Variants in ANKIB1 observed in about 807,000 individuals in gnomAD.
ANKIB1 encodes ankyrin repeat and IBR domain containing 1.
A neutral mutation model predicts 122.1 loss-of-function variants in ANKIB1; 43 were observed. The ratio of observed to expected loss-of-function variants is 0.35; its 90% CI spans 0.28 to 0.45. ANKIB1 has a LOEUF of 0.45. Among genes scored for constraint, ANKIB1 ranks in the 20% least tolerant of loss-of-function variants. The pLI is 1.00. For missense variants in ANKIB1, 992 were observed against 1,329.5 expected (o/e 0.75, Z 3.95); for synonymous variants, 390 against 442.0 (o/e 0.88, Z 1.48).
At chr7:92,347,979 T>C (rs778063595) in intron 7 of ANKIB1, 19 of 447,994 alleles carry the variant, frequency 4.2e-5, no homozygotes, top group Non-Finnish European at 7.6e-5. Flanking sequence ...CTACCTATGA[T>C]ATCATCTGTG....
At chr7:92,391,371 C>A (rs996685512) in intron 16 of ANKIB1, 27 bp downstream of exon 16, 1 of 1,475,194 alleles carries the variant, frequency 6.8e-7, no homozygotes, top group Non-Finnish European at 9.1e-7. Flanking sequence ...CTGTGGAAAT[C>A]ATCCTAGCTC....
chr7:92,299,082 A>T (rs1802411155), intron 2 of ANKIB1, among the ~76,000 whole-genome samples: 1 of 152,288 alleles, frequency 6.6e-6, no homozygotes, highest in East Asian at 1.9e-4. Flanking sequence ...CTTGAAAATG[A>T]ATTGAGTCTG....
At chr7:92,265,590 G>A (rs1801655689) in intron 1 of ANKIB1, among the ~76,000 whole-genome samples, 1 of 152,200 alleles carries the variant, frequency 6.6e-6, no homozygotes, top group African/African-American at 2.4e-5. Flanking sequence ...AGATTGTAGT[G>A]ATGAGAGGGC....
intron 5 of ANKIB1, among the ~76,000 whole-genome samples, chr7:92,332,025 A>G (rs964042506): frequency 6.6e-6 from 1 of 152,200 alleles, no homozygotes; most frequent in Non-Finnish European, 1.5e-5. Context: ...TACTCCATTG[A>G]TATTTCCCTA....
intron 8 of ANKIB1, among the ~76,000 whole-genome samples, chr7:92,351,494 A>G (rs948066913): frequency 1.4e-4 from 22 of 152,130 alleles, no homozygotes; most frequent in Non-Finnish European, 5.9e-5. Context: ...AAGATTTCCA[A>G]CTTGGAAGTT....
At chr7:92,265,896 C>T (rs1224788507) in intron 1 of ANKIB1, among the ~76,000 whole-genome samples, 1 of 152,104 alleles carries the variant, frequency 6.6e-6, no homozygotes. Flanking sequence ...TTACAGGAGT[C>T]CGGATTTCAG....
At chr7:92,268,419 TA>T (rs1801717699) in intron 1 of ANKIB1, among the ~76,000 whole-genome samples, 1 of 152,208 alleles carries the variant, frequency 6.6e-6, no homozygotes, top group Non-Finnish European at 1.5e-5. Flanking sequence ...ATCAGTGAAT[TA>T]AAAACTGAAG....
chr7:92,302,558 G>T (rs908418740), intron 2 of ANKIB1, among the ~76,000 whole-genome samples: 2 of 152,160 alleles, frequency 1.3e-5, no homozygotes, highest in Non-Finnish European at 2.9e-5. Flanking sequence ...TAAAAAAGCC[G>T]TGGACTTGGA....
chr7:92,398,215 C>T lies in ANKIB1; in HGVS notation c.2536C>T (p.Leu846=), dbSNP rs1039140744. ...RSENQDSLQA[L]SSLDEDDPNI... is the part of the protein sequence containing the mutation. ...GTTTTGCTTTCTGTTGCTTCAGGCT[C>T]TGAGTTCCTTGGATGAAGACGATCC... is the stretch of plus-strand genomic sequence containing the variant. Residue 846 remains leucine, a synonymous_variant, in exon 20 of 20, where the codon CTG becomes TTG. Transcript: ENST00000265742. The T allele has an allele frequency of 6.3e-7, 1 of 1,575,208 alleles. No homozygotes were observed. The highest frequency in any genetic ancestry group is 2.3e-5 in the East Asian group (1 of 44,402).
intron 5 of ANKIB1, among the ~76,000 whole-genome samples, chr7:92,328,257 C>G (rs547355255): frequency 3.9e-5 from 6 of 152,172 alleles, no homozygotes; most frequent in African/African-American, 1.2e-4. Flanking sequence ...TGAAGTCATT[C>G]AAGTATAAAA....
intron 1 of ANKIB1, among the ~76,000 whole-genome samples, chr7:92,280,022 T>C (rs1801984518): frequency 6.6e-6 from 1 of 152,228 alleles, no homozygotes; most frequent in South Asian, 2.1e-4. Flanking sequence ...TGCTTCTCTT[T>C]AACTGCAGAC....
chr7:92,329,970 G>A (rs181075034), intron 5 of ANKIB1, among the ~76,000 whole-genome samples: 1 of 152,150 alleles, frequency 6.6e-6, no homozygotes, highest in Non-Finnish European at 1.5e-5. Flanking sequence ...TCATTCCCCT[G>A]CTGAAAACCC....
intron 4 of ANKIB1, among the ~76,000 whole-genome samples, chr7:92,322,324 T>G (rs978772580): frequency 6.6e-6 from 1 of 152,092 alleles, no homozygotes; most frequent in Non-Finnish European, 1.5e-5. Context: ...TTAATATAAC[T>G]AATATTATGT....
intron 1 of ANKIB1, among the ~76,000 whole-genome samples, chr7:92,292,940 CTGTA>C (rs1585092156): frequency 6.6e-6 from 1 of 152,094 alleles, no homozygotes; most frequent in African/African-American, 2.4e-5. Context: ...AAAAGCTCTA[CTGTA>C]TGTATGTATT....
chr7:92,331,192 T>C lies in ANKIB1; in HGVS notation c.787+3292T>C, dbSNP rs373946621. Among the ~76,000 whole-genome samples, 65 of 152,218 alleles carry C rather than the reference T, an allele frequency of 4.3e-4. 1 individual carries two copies. In the South Asian group the frequency reaches 0.013, roughly 31 times the overall value. On this transcript the variant is annotated intron_variant, in intron 5 of 19. Transcript: ENST00000265742. ...ATGTAATAGTCCAAAGCATTTCCAT[T>C]TAGATTAGGTAGGATGTGGACTCTG...
chr7:92,339,227 A>G, intron 5 of ANKIB1, among the ~76,000 whole-genome samples: 1 of 150,802 alleles, frequency 6.6e-6, no homozygotes, highest in East Asian at 2.0e-4. Context: ...TATTTTTAGT[A>G]GCGATGGGGT....
intron 9 of ANKIB1, among the ~76,000 whole-genome samples, chr7:92,357,393 T>C (rs1330982970): frequency 6.6e-6 from 1 of 152,140 alleles, no homozygotes; most frequent in Non-Finnish European, 1.5e-5. Context: ...CAGCAACAGA[T>C]ACCAGGGACT....
At chr7:92,297,003 T>A (rs1023338965) in intron 2 of ANKIB1, among the ~76,000 whole-genome samples, 1 of 152,218 alleles carries the variant, frequency 6.6e-6, no homozygotes, top group Non-Finnish European at 1.5e-5. Context: ...CTTCCAAAAC[T>A]GGGTCTTCCA....
Position 92,393,663 on chromosome 7 carries a change from T to C in ANKIB1, c.2283+1371T>C, listed in dbSNP as rs921496046. ...GAATCCTGAAATATTTGTCCTTGAATATTGAGGGCCTACTAATATGAGTGT... is the reference window on the plus strand; with the variant it reads ...GAATCCTGAAATATTTGTCCTTGAACATTGAGGGCCTACTAATATGAGTGT... On this transcript the variant is annotated intron_variant, in intron 17 of 19. Transcript: ENST00000265742. 3.3e-5 allele frequency among the ~76,000 whole-genome samples: 5 copies of C among 152,260 alleles called. No individual in the cohort carries two copies. In the East Asian group the frequency reaches 9.6e-4, roughly 29 times the overall value.
Sources: allele counts gnomAD v4.1 joint callset (sites outside exome capture counted in the v4.1 genomes callset), GRCh38; gene constraint gnomAD v4.1.1; transcripts MANE v1.5; gene names NCBI Gene and HGNC (gene_info 2026-07-23, HGNC 2026-07-21).